Variants in RAPGEF6 observed in about 807,000 individuals in gnomAD.
RAPGEF6 encodes Rap guanine nucleotide exchange factor 6.
In RAPGEF6, 56 loss-of-function variants were observed where a neutral mutation model predicts 171.4. That is an observed-to-expected ratio of 0.33 (90% confidence interval 0.26 to 0.41). The LOEUF (loss-of-function observed/expected upper bound fraction) is 0.41, where lower values mean the gene tolerates loss of function less well. Ranked by LOEUF, RAPGEF6 falls within the 10% of genes least tolerant of loss-of-function variation. The probability of loss-of-function intolerance (pLI) is 1.00; values close to 1 mark genes in which losing one functional copy is unlikely to be tolerated. For missense variants in RAPGEF6, 1,674 were observed against 1,921.4 expected, an observed-to-expected ratio of 0.87 and a Z score of 2.41; for synonymous variants, 692 against 650.1, an observed-to-expected ratio of 1.06 and a Z score of -0.98.
At chr5:131,494,948 C>T (rs1191593427) in intron 13 of RAPGEF6, among the ~76,000 whole-genome samples, 2 of 152,118 alleles carry the variant, frequency 1.3e-5, no homozygotes, top group African/African-American at 2.4e-5. Flanking sequence ...ACACATATAA[C>T]ACCAGGTTTA....
chr5:131,454,423 A>G (rs1410580293), intron 20 of RAPGEF6, among the ~76,000 whole-genome samples: 1 of 152,196 alleles, frequency 6.6e-6, no homozygotes, highest in African/African-American at 2.4e-5. Context: ...GACAGAAATG[A>G]AAGAGTAAAA....
At chr5:131,540,900 A>G (rs1293361701) in intron 6 of RAPGEF6, among the ~76,000 whole-genome samples, 2 of 152,332 alleles carry the variant, frequency 1.3e-5, no homozygotes, top group Admixed American at 6.5e-5. Flanking sequence ...GTGGTGGCTT[A>G]TGCCTGTAAT....
At chr5:131,498,756 T>G in intron 11 of RAPGEF6, 149 bp from the exon 12 acceptor site, 1 of 712,334 alleles carries the variant, frequency 1.4e-6, no homozygotes, top group South Asian at 1.9e-5. Context: ...CTGGGAGAAT[T>G]GGAATGCAAA....
intron 24 of RAPGEF6, 63 bp from the exon 25 acceptor site, chr5:131,433,721 G>A: frequency 8.1e-7 from 1 of 1,228,014 alleles, no homozygotes; most frequent in Non-Finnish European, 1.2e-6. Context: ...GGGGTAGTAG[G>A]GGAAAGGATG....
chr5:131,537,954 G>T (rs985009101), intron 6 of RAPGEF6, among the ~76,000 whole-genome samples: 1 of 152,098 alleles, frequency 6.6e-6, no homozygotes, highest in African/African-American at 2.4e-5. Flanking sequence ...TTAGCTGGGT[G>T]TGGAGGCATG....
chr5:131,627,479 T>C (rs550660532), intron 1 of RAPGEF6, among the ~76,000 whole-genome samples: 1 of 152,228 alleles, frequency 6.6e-6, no homozygotes, highest in Non-Finnish European at 1.5e-5. Context: ...TCATTTAATA[T>C]GTGCAAATCA....
At chr5:131,581,086 A>G (rs1561580258) in intron 4 of RAPGEF6, among the ~76,000 whole-genome samples, 1 of 152,186 alleles carries the variant, frequency 6.6e-6, no homozygotes, top group African/African-American at 2.4e-5. Context: ...CTTCTCTGCT[A>G]GCATTACAGA....
At chr5:131,600,152 GA>G (rs1406354400) in intron 3 of RAPGEF6, among the ~76,000 whole-genome samples, 2 of 152,204 alleles carry the variant, frequency 1.3e-5, no homozygotes, top group African/African-American at 4.8e-5. Flanking sequence ...ATTAATGTCA[GA>G]AAGATATTAG....
At chr5:131,545,028 T>C (rs751312903) in intron 6 of RAPGEF6, among the ~76,000 whole-genome samples, 1 of 152,048 alleles carries the variant, frequency 6.6e-6, no homozygotes, top group Non-Finnish European at 1.5e-5. Context: ...TTTAATAATA[T>C]CTCAATAAAG....
chr5:131,613,161 A>T (rs1580676928), intron 1 of RAPGEF6, among the ~76,000 whole-genome samples: 2 of 152,208 alleles, frequency 1.3e-5, no homozygotes, highest in Admixed American at 1.3e-4. Context: ...CTATAATCCC[A>T]GCACTTTGGG....
rs61758819 is a variant in RAPGEF6, at chr5:131,492,603, T to C, written c.1710A>G (p.Ser570=). 128 of 1,614,202 alleles carry C rather than the reference T, an allele frequency of 7.9e-5. 1 individual carries two copies. In the South Asian group the frequency reaches 1.2e-3, roughly 16 times the overall value. ...GVEPGSKAAD[S]GLKRGDQIME... Reference sequence around the variant, plus strand: ...TTACCTGATCACCACGTTTCAGTCCTGAATCAGCAGCTTTGCTACCAGGTT... The same window carrying C: ...TTACCTGATCACCACGTTTCAGTCCCGAATCAGCAGCTTTGCTACCAGGTT... The change falls in exon 14 of 28, where the codon TCA becomes TCG. Residue 570 remains serine (S), a synonymous_variant. Transcript: ENST00000509018.
intron 7 of RAPGEF6, among the ~76,000 whole-genome samples, chr5:131,512,005 C>T (rs563942141): frequency 6.6e-6 from 1 of 152,216 alleles, no homozygotes; most frequent in Non-Finnish European, 1.5e-5. Context: ...CAGCCTATAG[C>T]CTCATGGAAA....
At chr5:131,432,545 G>A (rs2149806224) in intron 25 of RAPGEF6, among the ~76,000 whole-genome samples, 1 of 152,228 alleles carries the variant, frequency 6.6e-6, no homozygotes, top group South Asian at 2.1e-4. Flanking sequence ...GTGAACCCAG[G>A]AGGCGGAGCT....
At chr5:131,465,708 G>C (rs1242114066) in intron 17 of RAPGEF6, among the ~76,000 whole-genome samples, 5 of 152,154 alleles carry the variant, frequency 3.3e-5, no homozygotes, top group African/African-American at 9.6e-5. Flanking sequence ...ACTTGAGCCT[G>C]GGAGGTTGAA....
At chr5:131,462,455 T>C (rs1000687592) in intron 18 of RAPGEF6, among the ~76,000 whole-genome samples, 7 of 152,236 alleles carry the variant, frequency 4.6e-5, no homozygotes, top group Non-Finnish European at 1.0e-4. Context: ...ATGAATAGCA[T>C]GAATTCTAAT....
intron 24 of RAPGEF6, among the ~76,000 whole-genome samples, chr5:131,439,158 C>T (rs1752218400): frequency 6.6e-6 from 1 of 152,142 alleles, no homozygotes; most frequent in Non-Finnish European, 1.5e-5. Flanking sequence ...CTCAAGTGAT[C>T]CACCCGCCTC....
Position 131,426,443 on chromosome 5 carries a change from A to C in RAPGEF6, c.*823T>G, listed in dbSNP as rs547904937. 1 of 152,304 alleles carries C rather than the reference A, an allele frequency of 6.6e-6. No homozygotes were observed. Among genetic ancestry groups the C allele is most frequent in the African/African-American group, 2.4e-5 (1 of 41,428 alleles). 9.4% of individuals were successfully genotyped at this position (152,304 alleles called of 1,614,324 possible). On this transcript the variant is annotated 3_prime_UTR_variant, in exon 28 of 28. Coordinates refer to ENST00000509018, the MANE Select transcript of RAPGEF6 (RefSeq NM_016340.6). Reference sequence around the variant, plus strand: ...ATTCGATGCAGCATAACTTTCACTTAAGGAAGAATTTGTATACATGTCATT... The same window carrying C: ...ATTCGATGCAGCATAACTTTCACTTCAGGAAGAATTTGTATACATGTCATT...
Position 131,432,179 on chromosome 5 carries a change from A to T in RAPGEF6, c.3975-830T>A, listed in dbSNP as rs180731535. 1.6e-3 allele frequency among the ~76,000 whole-genome samples: 239 copies of T among 152,310 alleles called. 1 individual carries two copies. The highest frequency in any genetic ancestry group is 5.5e-3 in the African/African-American group (229 of 41,572). ...CAAACCAGAAGAATTTGTGACAGAGACTATATGTAGATTGCAGAGGCGAAA... is the reference window on the plus strand; with the variant it reads ...CAAACCAGAAGAATTTGTGACAGAGTCTATATGTAGATTGCAGAGGCGAAA... On this transcript the variant is annotated intron_variant, in intron 25 of 27. Coordinates refer to ENST00000509018, the MANE Select transcript of RAPGEF6 (RefSeq NM_016340.6).
chr5:131,596,754 G>C (rs1763929258), intron 3 of RAPGEF6, among the ~76,000 whole-genome samples: 1 of 152,008 alleles, frequency 6.6e-6, no homozygotes, highest in Non-Finnish European at 1.5e-5. Context: ...ATGGATTAAA[G>C]ACTTAAATGT....
Sources: gnomAD v4.1 joint callset for allele counts (sites outside exome capture counted in the v4.1 genomes callset) on GRCh38, gnomAD v4.1.1 for gene constraint, MANE v1.5 for transcripts, NCBI Gene and HGNC (gene_info 2026-07-23, HGNC 2026-07-21) for gene names.